CSF1R: variants seen among roughly 807,000 people sequenced by gnomAD.
CSF1R encodes the protein colony stimulating factor 1 receptor.
In CSF1R, 40 loss-of-function variants were observed where a neutral mutation model predicts 110.0. That is an observed-to-expected ratio of 0.36 (90% CI 0.28 to 0.47). CSF1R has a LOEUF of 0.47. CSF1R is among the 20% of genes least tolerant of loss of function. The pLI is 0.99. For synonymous variants in CSF1R, 523 were observed against 503.4 expected, an observed-to-expected ratio of 1.04 and a Z score of -0.52; for missense variants, 1,052 against 1,253.0, an observed-to-expected ratio of 0.84 and a Z score of 2.42.
chr5:150,087,472 A>G (rs1016688855), upstream of CSF1R, among the ~76,000 whole-genome samples: 1 of 152,236 alleles, frequency 6.6e-6, no homozygotes, highest in East Asian at 1.9e-4. Flanking sequence ...AAATGCCTTA[A>G]GCTTGTCCAT....
At chr5:150,106,143 T>C (rs1286585827) in intron 1 of CSF1R, among the ~76,000 whole-genome samples, 1 of 152,198 alleles carries the variant, frequency 6.6e-6, no homozygotes, top group Non-Finnish European at 1.5e-5. Flanking sequence ...GGAAGTGCCA[T>C]GGGACTCAGT....
In CSF1R at chr5:150,068,124, G is replaced by A. The variant is rs114768443; in HGVS notation, c.1626+91C>T. 4.3e-5 allele frequency: 41 copies of A among 942,712 alleles called. 1 individual carries two copies. In the East Asian group the frequency reaches 9.5e-4, roughly 22 times the overall value. 58.4% of individuals were successfully genotyped at this position (942,712 alleles called of 1,614,324 possible). A position where few individuals can be genotyped will look rare whatever the true frequency, so the allele number is the denominator to read the frequency against. On this transcript the variant is annotated intron_variant, in intron 10 of 20. Transcript: ENST00000675795. ...AGCTGTTAGCTGATGGACTGACTGA[G>A]GAGGAGGAAGGGTGAATCCATGCAG...
At chr5:150,061,456 C>T (rs1757521107) in intron 12 of CSF1R, 35 bp downstream of exon 12, 1 of 1,036,412 alleles carries the variant, frequency 9.6e-7, no homozygotes, top group South Asian at 1.4e-5. Context: ...ATCTACCACC[C>T]CCCATCCCTT....
At chr5:150,062,288 A>G (rs1757567163) in intron 10 of CSF1R, among the ~76,000 whole-genome samples, 1 of 133,372 alleles carries the variant, frequency 7.5e-6, no homozygotes, top group African/African-American at 2.8e-5. Flanking sequence ...ACATACATGA[A>G]ATTTACCATT....
In CSF1R at chr5:150,080,855, G is replaced by A. The variant is rs777507344; in HGVS notation, c.219C>T (p.Asn73=). ...AGGTCCCCGTGTTTTGGAAGGTAGC[G>A]TTGTTGGTGCTGAGGATGCTGCTGG... ...DGSSSILSTN[N]ATFQNTGTYR... Residue 73 remains asparagine, a synonymous_variant, in exon 2 of 21, where the codon AAC becomes AAT. Coordinates refer to ENST00000675795, the MANE Select transcript of CSF1R (RefSeq NM_001288705.3). The A allele has an allele frequency of 2.0e-5, 32 of 1,614,070 alleles. No individual in the cohort carries two copies. Among genetic ancestry groups the A allele is most frequent in the East Asian group, 4.5e-5 (2 of 44,890 alleles).
intron 1 of CSF1R, among the ~76,000 whole-genome samples, chr5:150,102,771 C>T (rs1759445868): frequency 1.3e-5 from 2 of 152,242 alleles, no homozygotes; most frequent in African/African-American, 2.4e-5. Flanking sequence ...TGAGCCACTG[C>T]ACCCAGCTTA....
intron 1 of CSF1R, among the ~76,000 whole-genome samples, chr5:150,096,156 G>A (rs898649019): frequency 2.0e-5 from 3 of 152,110 alleles, no homozygotes; most frequent in East Asian, 1.9e-4. Flanking sequence ...TTGGGAGACC[G>A]AGGCGGGCGG....
Position 150,058,198 on chromosome 5 carries a change from A to G in CSF1R, c.2133-606T>C, listed in dbSNP as rs533866706. On this transcript the variant is annotated intron_variant, in intron 14 of 20. Coordinates refer to ENST00000675795, the MANE Select transcript of CSF1R (RefSeq NM_001288705.3). ...ATAAATCACCCCGGGAATCTCTGCA[A>G]TGCAGATTTTGAATCAGCAGGCCTG... The G allele has an allele frequency of 5.9e-5, 27 of 456,078 alleles. No individual in the cohort carries two copies. The East Asian group carries it at 1.7e-3, about 29-fold the overall frequency. The allele number at this position is 456,078 out of a possible 1,614,324, so 28.3% of individuals were successfully genotyped here.
intron 1 of CSF1R, among the ~76,000 whole-genome samples, chr5:150,084,978 T>C (rs1044929061): frequency 3.3e-5 from 5 of 151,960 alleles, no homozygotes; most frequent in Admixed American, 2.6e-4. Flanking sequence ...GTAAGTTACA[T>C]TGCAAAATAA....
intron 14 of CSF1R, chr5:150,058,420 T>C: frequency 2.4e-6 from 1 of 416,492 alleles, no homozygotes; most frequent in South Asian, 1.7e-5. Flanking sequence ...GTCCATATTC[T>C]AGTGTTCCCA....
intron 1 of CSF1R, among the ~76,000 whole-genome samples, chr5:150,099,029 G>A (rs1759313549): frequency 6.6e-6 from 1 of 150,696 alleles, no homozygotes; most frequent in Admixed American, 6.6e-5. Context: ...AAGTAGCTGG[G>A]ATTGCAGGTG....
At chr5:150,096,487 C>T (rs1041096583) in intron 1 of CSF1R, among the ~76,000 whole-genome samples, 2 of 152,132 alleles carry the variant, frequency 1.3e-5, no homozygotes, top group Non-Finnish European at 2.9e-5. Flanking sequence ...TTGTATGATA[C>T]CAGCAGTATC....
At position 150,062,248 on chromosome 5, in the gene CSF1R, A is replaced by AAT. The variant is rs988381532; in HGVS notation, c.1627-401_1627-400dup. Among the ~76,000 whole-genome samples the AAT allele has an allele frequency of 3.2e-4, 37 of 116,308 alleles. 3 individuals carry two copies. Among genetic ancestry groups the AAT allele is most frequent in the South Asian group, 4.9e-4 (2 of 4,072 alleles). The allele number at this position is 116,308 out of a possible 152,430, so 76.3% of individuals were successfully genotyped here. A position where few individuals can be genotyped will look rare whatever the true frequency, so the allele number is the denominator to read the frequency against. On this transcript the variant is annotated intron_variant, in intron 10 of 20. Coordinates refer to ENST00000675795, the MANE Select transcript of CSF1R (RefSeq NM_001288705.3). ...ATCCACCCACCCAACCTCCCATCCA[A>AAT]ATATATATATATATTTTAATTGTGA...
At chr5:150,109,058 G>T (rs896597967) in intron 1 of CSF1R, among the ~76,000 whole-genome samples, 1 of 119,736 alleles carries the variant, frequency 8.4e-6, no homozygotes, top group Admixed American at 8.3e-5. Context: ...GGAGAAGCCC[G>T]CCCCCCCCCC....
At position 150,053,895 on chromosome 5, in the gene CSF1R, A is replaced by G. The variant is rs1757046938; in HGVS notation, c.*174T>C. 1 of 658,672 alleles carries G rather than the reference A, an allele frequency of 1.5e-6. No homozygotes were observed. The highest frequency in any genetic ancestry group is 1.8e-5 in the African/African-American group (1 of 55,336). 40.8% of individuals were successfully genotyped at this position (658,672 alleles called of 1,614,324 possible). ...TGGCAGTGATGGCCCATGCTCAGGA[A>G]GTGGGATCCTCTGACCTCCCCTGAA... On this transcript the variant is annotated 3_prime_UTR_variant, in exon 21 of 21. Transcript: ENST00000675795.
chr5:150,084,638 G>C (rs1304005682), intron 1 of CSF1R, among the ~76,000 whole-genome samples: 1 of 151,730 alleles, frequency 6.6e-6, no homozygotes, highest in Admixed American at 6.6e-5. Context: ...TTTTTTAGTA[G>C]AGAGGGGGCT....
rs17652007 is a variant in CSF1R at position 150,080,780 on chromosome 5, G to A, written c.294C>T (p.His98=). 0.021 allele frequency: 34,178 copies of A among 1,613,990 alleles called. 2,722 individuals carry two copies. Among genetic ancestry groups the A allele is most frequent in the East Asian group, 0.21 (9,496 of 44,850 alleles). Residue 98 remains histidine, a synonymous_variant, in exon 2 of 21, where the codon CAC becomes CAT. Transcript: ENST00000675795. ...CAGACTCCTCACCTTTGACATAGAGGTGGATGGCGGCGCTGCCTCCCAGGG... is the reference window on the plus strand; with the variant it reads ...CAGACTCCTCACCTTTGACATAGAGATGGATGGCGGCGCTGCCTCCCAGGG... ...GDPLGGSAAI[H]LYVKDPARPW...
At chr5:150,077,093 C>T in intron 5 of CSF1R, 183 bp downstream of exon 5, 1 of 731,860 alleles carries the variant, frequency 1.4e-6, no homozygotes, top group Non-Finnish European at 2.4e-6. Flanking sequence ...GGAGAGAGAT[C>T]CCAGGAGAGG....
chr5:150,073,188 A>G, intron 6 of CSF1R, 113 bp downstream of exon 6: 1 of 1,005,316 alleles, frequency 9.9e-7, no homozygotes, highest in Non-Finnish European at 1.5e-6. Flanking sequence ...AGGGGCAGGG[A>G]CTTGCTCAAG....
Sources: allele counts gnomAD v4.1 joint callset (sites outside exome capture counted in the v4.1 genomes callset), GRCh38; gene constraint gnomAD v4.1.1; transcripts MANE v1.5; gene names NCBI Gene and HGNC (gene_info 2026-07-23, HGNC 2026-07-21).